Variants in GALNT13 observed in about 807,000 individuals in gnomAD.
The protein encoded by GALNT13 is UDP-GalNAc:polypeptide N-acetylgalactosaminyltransferase 13.
In GALNT13, 28 loss-of-function variants were observed where a neutral mutation model predicts 64.2. The ratio of observed to expected loss-of-function variants is 0.44; its 90% CI spans 0.32 to 0.60. GALNT13 has a LOEUF of 0.60. Ranked by LOEUF, GALNT13 falls within the 20% of genes least tolerant of loss-of-function variation. GALNT13 has a pLI of 0.05. For synonymous variants in GALNT13, 214 were observed against 224.6 expected (o/e 0.95, Z 0.42); for missense variants, 577 against 669.8 (o/e 0.86, Z 1.53).
rs141996532 is a variant in GALNT13, at chr2:153,873,473, G to A, written c.-177+1170G>A. ...GCCTCCCCAACCTTTATAGCCAGCT[G>A]CAGAAGAACGGACAGTGAGCAGGCA... On this transcript the variant is annotated intron_variant, in intron 1 of 12. Coordinates refer to ENST00000392825, the MANE Select transcript of GALNT13 (RefSeq NM_052917.4). Among the ~76,000 whole-genome samples the A allele has an allele frequency of 1.1e-4, 16 of 152,324 alleles. 1 individual carries two copies. Among genetic ancestry groups the A allele is most frequent in the African/African-American group, 3.8e-4 (16 of 41,578 alleles).
intron 3 of GALNT13, among the ~76,000 whole-genome samples, chr2:154,048,106 G>C (rs1018002012): frequency 3.3e-5 from 5 of 152,162 alleles, no homozygotes; most frequent in African/African-American, 9.7e-5. Context: ...GAAGGCGAAG[G>C]GGGAGCAAAC....
the GALNT13 span, among the ~76,000 whole-genome samples, chr2:153,504,737 C>T: frequency 1.3e-5 from 2 of 152,180 alleles, no homozygotes; most frequent in African/African-American, 4.8e-5. Context: ...ATGAAACCCA[C>T]TTGATAATGA....
At chr2:154,378,669 A>G (rs1698115793) in intron 9 of GALNT13, among the ~76,000 whole-genome samples, 1 of 151,906 alleles carries the variant, frequency 6.6e-6, no homozygotes, top group South Asian at 2.1e-4. Flanking sequence ...TCCCCTCCCG[A>G]TTCTCTGGTA....
intron 8 of GALNT13, among the ~76,000 whole-genome samples, chr2:154,300,118 G>A (rs1490126248): frequency 1.7e-4 from 2 of 11,488 alleles, no homozygotes; most frequent in African/African-American, 5.6e-4. Context: ...TTTTTTTTTT[G>A]AGATAGAGTT....
At chr2:153,579,882 C>T in the GALNT13 span, among the ~76,000 whole-genome samples, 1 of 151,708 alleles carries the variant, frequency 6.6e-6, no homozygotes, top group African/African-American at 2.4e-5. Context: ...CAAAACAATC[C>T]CTCACCCCCA....
chr2:153,327,449 C>G, the GALNT13 span, among the ~76,000 whole-genome samples: 1 of 152,052 alleles, frequency 6.6e-6, no homozygotes, highest in African/African-American at 2.4e-5. Flanking sequence ...TAGGTTTGGT[C>G]TTTTCACATA....
chr2:153,894,082 G>A (rs758943393), intron 1 of GALNT13, among the ~76,000 whole-genome samples: 13 of 152,104 alleles, frequency 8.5e-5, no homozygotes, highest in Non-Finnish European at 1.9e-4. Flanking sequence ...TTCAGGTAGC[G>A]AGGGGCCAGT....
At chr2:153,858,107 T>C in the GALNT13 span, among the ~76,000 whole-genome samples, 1 of 152,086 alleles carries the variant, frequency 6.6e-6, no homozygotes, top group African/African-American at 2.4e-5. Flanking sequence ...AGGTATAAAT[T>C]AGGTGATCTT....
chr2:153,228,869 C>CAA, the GALNT13 span, among the ~76,000 whole-genome samples: 48 of 68,608 alleles, frequency 7.0e-4, no homozygotes, highest in Middle Eastern at 9.3e-3. Flanking sequence ...GAGACTGTCT[C>CAA]AAAAAAAAAA....
chr2:153,825,538 G>T, the GALNT13 span, among the ~76,000 whole-genome samples: 1 of 151,424 alleles, frequency 6.6e-6, no homozygotes, highest in South Asian at 2.1e-4. Flanking sequence ...TTGGTCTCTG[G>T]CCACTTAAGT....
At chr2:153,269,153 T>G in the GALNT13 span, among the ~76,000 whole-genome samples, 13 of 151,972 alleles carry the variant, frequency 8.6e-5, no homozygotes, top group African/African-American at 3.1e-4. Flanking sequence ...AGGCTGCCAA[T>G]TTTTAAAACT....
the GALNT13 span, among the ~76,000 whole-genome samples, chr2:153,747,518 T>C: frequency 6.7e-6 from 1 of 149,060 alleles, no homozygotes; most frequent in South Asian, 2.2e-4. Context: ...ATCTCCGCCT[T>C]CTGGGTTCAA....
chr2:153,283,551 G>C, the GALNT13 span, among the ~76,000 whole-genome samples: 1 of 152,080 alleles, frequency 6.6e-6, no homozygotes, highest in Non-Finnish European at 1.5e-5. Context: ...TCAAGTTAGT[G>C]GGTGCTCCAA....
At chr2:154,149,803 C>T (rs977153273) in intron 4 of GALNT13, among the ~76,000 whole-genome samples, 1 of 152,262 alleles carries the variant, frequency 6.6e-6, no homozygotes, top group East Asian at 1.9e-4. Context: ...GCTGAAGTTG[C>T]TTATCAGCTT....
At chr2:153,982,434 T>A (rs1694525156) in intron 3 of GALNT13, among the ~76,000 whole-genome samples, 1 of 152,096 alleles carries the variant, frequency 6.6e-6, no homozygotes, top group Non-Finnish European at 1.5e-5. Context: ...ACTTTACGAA[T>A]CTGTGAGTAA....
At chr2:153,652,738 C>T in the GALNT13 span, among the ~76,000 whole-genome samples, 1 of 152,128 alleles carries the variant, frequency 6.6e-6, no homozygotes, top group Non-Finnish European at 1.5e-5. Flanking sequence ...ATGTAATTGT[C>T]TTCATATGTA....
intron 3 of GALNT13, among the ~76,000 whole-genome samples, chr2:154,027,087 G>A (rs763873890): frequency 5.9e-5 from 9 of 152,094 alleles, no homozygotes; most frequent in Non-Finnish European, 1.3e-4. Flanking sequence ...AGATTCAAAA[G>A]TATTAAATGA....
the GALNT13 span, among the ~76,000 whole-genome samples, chr2:153,603,670 G>A: frequency 1.3e-5 from 2 of 152,072 alleles, no homozygotes; most frequent in Admixed American, 6.6e-5. Flanking sequence ...AGAGAGGAAT[G>A]TGTCTTTTGT....
the GALNT13 span, among the ~76,000 whole-genome samples, chr2:153,729,950 T>G: frequency 6.9e-6 from 1 of 145,014 alleles, no homozygotes; most frequent in Non-Finnish European, 1.5e-5. Context: ...CACAAATACA[T>G]GCAAAAAAAA....
Sources: allele counts gnomAD v4.1 joint callset (sites outside exome capture counted in the v4.1 genomes callset), GRCh38; gene constraint gnomAD v4.1.1; transcripts MANE v1.5; gene names NCBI Gene and HGNC (gene_info 2026-07-23, HGNC 2026-07-21).